The following SOX21 variants were observed in gnomAD, a reference collection of about 807,000 sequenced individuals.
SOX21 encodes SRY-box transcription factor 21, also known as transcription factor SOX-21.
For synonymous variants in SOX21, 237 were observed against 189.7 expected, an observed-to-expected ratio of 1.25 and a Z score of -2.05; for missense variants, 370 against 388.8, an observed-to-expected ratio of 0.95 and a Z score of 0.41.
At position 94,711,086 on chromosome 13, in the gene SOX21, T is replaced by C. The variant is rs961615440; in HGVS notation, c.*133A>G. The C allele has an allele frequency of 1.1e-6, 1 of 924,590 alleles. No homozygotes were observed. Among genetic ancestry groups the C allele is most frequent in the South Asian group, 5.5e-5 (1 of 18,124 alleles). 57.3% of individuals were successfully genotyped at this position (924,590 alleles called of 1,614,324 possible). On this transcript the variant is annotated 3_prime_UTR_variant, in exon 1 of 1. Coordinates refer to ENST00000376945, the MANE Select transcript of SOX21 (RefSeq NM_007084.4). The stretch of plus-strand genomic sequence containing the variant: ...CCCGCCTGGCCTCTCTGCCTCTACC[T>C]GGCACCTATACATTCTATGTACATA...
Position 94,712,215 on chromosome 13 carries a change from G to C in SOX21, c.-166C>G, listed in dbSNP as rs780638383. ...GAGGGGGCTGGGGGACCAGCCCAGGGCCACGCCGCGCCCCGGGCCGCCTTA... is the reference window on the plus strand; with the variant it reads ...GAGGGGGCTGGGGGACCAGCCCAGGCCCACGCCGCGCCCCGGGCCGCCTTA... On this transcript the variant is annotated 5_prime_UTR_variant, in exon 1 of 1. Transcript: ENST00000376945. The surrounding 1 kb of genome is among the most constrained non-coding windows in gnomAD (Gnocchi z 5.0). 2,015 of 1,265,498 alleles carry C rather than the reference G, an allele frequency of 1.6e-3. 7 individuals carry two copies. Among genetic ancestry groups the C allele is most frequent in the Non-Finnish European group, 1.9e-3 (1,900 of 1,010,532 alleles). 78.4% of individuals were successfully genotyped at this position (1,265,498 alleles called of 1,614,324 possible).
In SOX21 at chr13:94,711,627, G is replaced by GGCGGCCGCGGCC; in HGVS notation, c.411_422dup (p.Ala143_Ala146dup). ...AGAAGACGCGTGCGGCGGCAGCGGC[G>GGCGGCCGCGGCC]GCGGCCGCGGCCGCCTTCTCGGGAT... is the stretch of plus-strand genomic sequence containing the variant. On this transcript the variant is annotated inframe_insertion, in exon 1 of 1. Transcript: ENST00000376945. The GGCGGCCGCGGCC allele has an allele frequency of 8.1e-7, 1 of 1,239,968 alleles. No homozygotes were observed. Among genetic ancestry groups the GGCGGCCGCGGCC allele is most frequent in the Non-Finnish European group, 1.0e-6 (1 of 990,936 alleles). The allele number at this position is 1,239,968 out of a possible 1,614,324, so 76.8% of individuals were successfully genotyped here.
Position 94,711,621 on chromosome 13 carries a change from A to AGCGGCGGCGGCC in SOX21, c.417_428dup (p.Ala143_Ala146dup), listed in dbSNP as rs1247645066. The AGCGGCGGCGGCC allele has an allele frequency of 4.9e-6, 6 of 1,228,432 alleles. No individual in the cohort carries two copies. Among genetic ancestry groups the AGCGGCGGCGGCC allele is most frequent in the African/African-American group, 1.6e-5 (1 of 61,664 alleles). The allele number at this position is 1,228,432 out of a possible 1,614,324, so 76.1% of individuals were successfully genotyped here. A position where few individuals can be genotyped will look rare whatever the true frequency, so the allele number is the denominator to read the frequency against. On this transcript the variant is annotated inframe_insertion, in exon 1 of 1. Transcript: ENST00000376945. ...GCGGGAAGAAGACGCGTGCGGCGGC[A>AGCGGCGGCGGCC]GCGGCGGCGGCCGCGGCCGCCTTCT...
chr13:94,711,382 G>A lies in SOX21; in HGVS notation c.668C>T (p.Thr223Met), dbSNP rs1437951679. 8 of 1,247,880 alleles carry A rather than the reference G, an allele frequency of 6.4e-6. No individual in the cohort carries two copies. The highest frequency in any genetic ancestry group is 7.0e-6 in the Non-Finnish European group (7 of 996,986). 77.3% of individuals were successfully genotyped at this position (1,247,880 alleles called of 1,614,324 possible). Residue 223 changes from threonine (T) to methionine (M), a missense_variant, in exon 1 of 1, where the codon ACG becomes ATG. Coordinates refer to ENST00000376945, the MANE Select transcript of SOX21 (RefSeq NM_007084.4). ...AAAAAAAGGH[T>M]HSHPSPGNPG... The stretch of plus-strand genomic sequence containing the variant: ...GTTGCCCGGGCTGGGGTGCGAGTGC[G>A]TGTGCCCCCCGGCGGCGGCGGCCGC...
chr13:94,711,719 G>A lies in SOX21; in HGVS notation c.331C>T (p.Leu111Phe), dbSNP rs1179174754. 6.2e-7 allele frequency: 1 copy of A among 1,604,810 alleles called. No individual in the cohort carries two copies. ...GGVADAEHPA[L>F]KAGAGLHAGA... is the part of the protein sequence containing the mutation. Reference sequence around the variant, plus strand: ...GCGTGCAGCCCGGCGCCCGCCTTGAGCGCAGGGTGCTCGGCGTCCGCCACG... The same window carrying A: ...GCGTGCAGCCCGGCGCCCGCCTTGAACGCAGGGTGCTCGGCGTCCGCCACG... Residue 111 changes from leucine to phenylalanine, a missense_variant, in exon 1 of 1, where the codon CTC becomes TTC. Physicochemically the swap from Leu to Phe is conservative, Grantham distance 22. Transcript: ENST00000376945.
chr13:94,711,363 C>G lies in SOX21; in HGVS notation c.687G>C (p.Pro229=), dbSNP rs6492735. 150,210 of 1,254,102 alleles carry G rather than the reference C, an allele frequency of 0.12. 9,234 individuals carry two copies. Among genetic ancestry groups the G allele is most frequent in the Middle Eastern group, 0.19 (612 of 3,268 alleles). The allele number at this position is 1,254,102 out of a possible 1,614,324, so 77.7% of individuals were successfully genotyped here. A position where few individuals can be genotyped will look rare whatever the true frequency, so the allele number is the denominator to read the frequency against. ...ACGGGATCATGTAGCCCGGGTTGCCCGGGCTGGGGTGCGAGTGCGTGTGCC... is the reference window on the plus strand; with the variant it reads ...ACGGGATCATGTAGCCCGGGTTGCCGGGGCTGGGGTGCGAGTGCGTGTGCC... ...AGGHTHSHPS[P]GNPGYMIPCN... Residue 229 remains proline (P), a synonymous_variant, in exon 1 of 1, where the codon CCG becomes CCC. Transcript: ENST00000376945.
At position 94,712,057 on chromosome 13, in the gene SOX21, C is replaced by T. The variant is rs767197870; in HGVS notation, c.-8G>A. Reference sequence around the variant, plus strand: ...GTCCACCGGCTTGGACATGCTCTCGCCCTGCCGCGGCTGCAGCCCGCCGCC... The same window carrying T: ...GTCCACCGGCTTGGACATGCTCTCGTCCTGCCGCGGCTGCAGCCCGCCGCC... On this transcript the variant is annotated 5_prime_UTR_variant, in exon 1 of 1. Transcript: ENST00000376945. This position sits in a 1 kb window ranked among gnomAD's most constrained non-coding sequence, Gnocchi z 5.0. 8 of 1,610,716 alleles carry T rather than the reference C, an allele frequency of 5.0e-6. No homozygotes were observed. The African/African-American group carries it at 9.4e-5, about 19-fold the overall frequency.
chr13:94,712,185 C>G lies in SOX21; in HGVS notation c.-136G>C. On this transcript the variant is annotated 5_prime_UTR_variant, in exon 1 of 1. Coordinates refer to ENST00000376945, the MANE Select transcript of SOX21 (RefSeq NM_007084.4). The surrounding 1 kb of genome is among the most constrained non-coding windows in gnomAD (Gnocchi z 5.0). ...TCGCGCCCCGGCGTCGCTCCCGCCC[C>G]GGAGGAGGGGGCTGGGGGACCAGCC... 1 of 1,378,762 alleles carries G rather than the reference C, an allele frequency of 7.3e-7. No homozygotes were observed. Among genetic ancestry groups the G allele is most frequent in the Non-Finnish European group, 9.3e-7 (1 of 1,072,562 alleles). The allele number at this position is 1,378,762 out of a possible 1,614,324, so 85.4% of individuals were successfully genotyped here. A position where few individuals can be genotyped will look rare whatever the true frequency, so the allele number is the denominator to read the frequency against.
chr13:94,711,872 C>G lies in SOX21; in HGVS notation c.178G>C (p.Glu60Gln). 3 of 1,613,962 alleles carry G rather than the reference C, an allele frequency of 1.9e-6. No homozygotes were observed. Among genetic ancestry groups the G allele is most frequent in the Non-Finnish European group, 2.5e-6 (3 of 1,179,950 alleles). Residue 60 changes from glutamate to glutamine, a missense_variant, in exon 1 of 1, where the codon GAG becomes CAG. Physicochemically the swap from Glu to Gln is conservative, Grantham distance 29. Transcript: ENST00000376945. ...TGCATGGCGCGTAGACGCTTGGCCT[C>G]GTCGATGAACGGCCGCTTCTCCGAC... is the stretch of plus-strand genomic sequence containing the variant. ...TESEKRPFID[E>Q]AKRLRAMHMK...
chr13:94,711,813 C>T lies in SOX21; in HGVS notation c.237G>A (p.Pro79=). The change falls in exon 1 of 1, where the codon CCG becomes CCA. Residue 79 remains proline, a synonymous_variant. Transcript: ENST00000376945. The part of the protein sequence containing the change: ...MKEHPDYKYR[P]RRKPKTLLKK... ...TGAGCAGCGTCTTGGGCTTGCGCCG[C>T]GGCCGGTACTTGTAGTCGGGGTGCT... 2 of 1,613,854 alleles carry T rather than the reference C, an allele frequency of 1.2e-6. No homozygotes were observed. Among genetic ancestry groups the T allele is most frequent in the Non-Finnish European group, 1.7e-6 (2 of 1,179,884 alleles).
chr13:94,710,592 T>C lies in SOX21; in HGVS notation c.*627A>G, dbSNP rs1175099802. 1 of 152,214 alleles carries C rather than the reference T, an allele frequency of 6.6e-6. No homozygotes were observed. The highest frequency in any genetic ancestry group is 1.5e-5 in the Non-Finnish European group (1 of 68,060). 9.4% of individuals were successfully genotyped at this position (152,214 alleles called of 1,614,324 possible). ...ATTCGAGCCGGTCACTGGTCAAGAATGGATCTGGTTGGGAGTTCTGCTTGA... is the reference window on the plus strand; with the variant it reads ...ATTCGAGCCGGTCACTGGTCAAGAACGGATCTGGTTGGGAGTTCTGCTTGA... On this transcript the variant is annotated 3_prime_UTR_variant, in exon 1 of 1. Coordinates refer to ENST00000376945, the MANE Select transcript of SOX21 (RefSeq NM_007084.4).
chr13:94,710,205 TGTTTTTGAGTCTAAAGTCG>T lies in SOX21; in HGVS notation c.*995_*1013del, dbSNP rs1373508304. On this transcript the variant is annotated 3_prime_UTR_variant, in exon 1 of 1. Coordinates refer to ENST00000376945, the MANE Select transcript of SOX21 (RefSeq NM_007084.4). ...AGTTAACTTTGATATTCGCTCAAAA[TGTTTTTGAGTCTAAAGTCG>T]ACTCAAACTTAGGGCAACGAAAATA... 6.6e-6 allele frequency: 1 copy of T among 152,614 alleles called. No individual in the cohort carries two copies. Among genetic ancestry groups the T allele is most frequent in the Non-Finnish European group, 1.5e-5 (1 of 68,038 alleles). The allele number at this position is 152,614 out of a possible 1,614,324, so 9.5% of individuals were successfully genotyped here. A position where few individuals can be genotyped will look rare whatever the true frequency, so the allele number is the denominator to read the frequency against.
chr13:94,711,764 C>T lies in SOX21; in HGVS notation c.286G>A (p.Val96Met). 6.2e-7 allele frequency: 1 copy of T among 1,613,136 alleles called. No individual in the cohort carries two copies. Residue 96 changes from valine to methionine, a missense_variant, in exon 1 of 1, where the codon GTG becomes ATG. Coordinates refer to ENST00000376945, the MANE Select transcript of SOX21 (RefSeq NM_007084.4). ...LLKKDKFAFP[V>M]PYGLGGVADA... ...GCCACGCCGCCCAGGCCGTAGGGCA[C>T]CGGGAAGGCGAACTTGTCCTTCTTG... is the stretch of plus-strand genomic sequence containing the variant.
Position 94,712,500 on chromosome 13 carries a change from G to T in SOX21, c.-451C>A, listed in dbSNP as rs1385683669. 2.0e-6 allele frequency: 2 copies of T among 988,254 alleles called. No homozygotes were observed. Among genetic ancestry groups the T allele is most frequent in the Non-Finnish European group, 2.4e-6 (2 of 832,342 alleles). 61.2% of individuals were successfully genotyped at this position (988,254 alleles called of 1,614,324 possible). On this transcript the variant is annotated 5_prime_UTR_variant, in exon 1 of 1. Coordinates refer to ENST00000376945, the MANE Select transcript of SOX21 (RefSeq NM_007084.4). This position sits in a 1 kb window ranked among gnomAD's most constrained non-coding sequence, Gnocchi z 5.0. ...AAGTTGAGCCGAGGAGCCCGCCGCC[G>T]CGTGCTGCCAAGTGCCAAAGGGGGC...
chr13:94,711,195 T>C lies in SOX21; in HGVS notation c.*24A>G, dbSNP rs1380361719. The C allele has an allele frequency of 6.9e-6, 9 of 1,306,152 alleles. No homozygotes were observed. In the Admixed American group the frequency reaches 1.6e-4, roughly 24 times the overall value. 80.9% of individuals were successfully genotyped at this position (1,306,152 alleles called of 1,614,324 possible). A position where few individuals can be genotyped will look rare whatever the true frequency, so the allele number is the denominator to read the frequency against. ...ACATATGTACACGTGTGCACACCGGTCCTCGCGAGGCGGCCCCGCGGGGTC... is the reference window on the plus strand; with the variant it reads ...ACATATGTACACGTGTGCACACCGGCCCTCGCGAGGCGGCCCCGCGGGGTC... On this transcript the variant is annotated 3_prime_UTR_variant, in exon 1 of 1. Transcript: ENST00000376945.
At position 94,710,477 on chromosome 13, in the gene SOX21, G is replaced by A. The variant is rs999940075; in HGVS notation, c.*742C>T. On this transcript the variant is annotated 3_prime_UTR_variant, in exon 1 of 1. Transcript: ENST00000376945. ...CATCTCACAAATATTTCTTGTTTGC[G>A]TTTCTTGCCCTTGAGAAAGAGCTCT... 64 of 152,238 alleles carry A rather than the reference G, an allele frequency of 4.2e-4. 1 individual carries two copies. Among genetic ancestry groups the A allele is most frequent in the African/African-American group, 1.5e-3 (64 of 41,438 alleles). 9.4% of individuals were successfully genotyped at this position (152,238 alleles called of 1,614,324 possible).
rs1469058265 is a variant in SOX21 at position 94,709,996 on chromosome 13, A to G, written c.*1223T>C. 6.6e-6 allele frequency: 1 copy of G among 152,196 alleles called. No individual in the cohort carries two copies. Among genetic ancestry groups the G allele is most frequent in the African/African-American group, 2.4e-5 (1 of 41,468 alleles). The allele number at this position is 152,196 out of a possible 1,614,324, so 9.4% of individuals were successfully genotyped here. Reference sequence around the variant, plus strand: ...AAGCCAATTGAGGAGGGAAATCCAAAACACATTAAACCAGCTCAACTTGGG... The same window carrying G: ...AAGCCAATTGAGGAGGGAAATCCAAGACACATTAAACCAGCTCAACTTGGG... On this transcript the variant is annotated 3_prime_UTR_variant, in exon 1 of 1. Transcript: ENST00000376945.
In SOX21 at chr13:94,712,227, C is replaced by T. The variant is rs1001332378; in HGVS notation, c.-178G>A. 40 of 1,253,448 alleles carry T rather than the reference C, an allele frequency of 3.2e-5. No individual in the cohort carries two copies. The highest frequency in any genetic ancestry group is 4.4e-5 in the Admixed American group (1 of 22,620). The allele number at this position is 1,253,448 out of a possible 1,614,324, so 77.6% of individuals were successfully genotyped here. A position where few individuals can be genotyped will look rare whatever the true frequency, so the allele number is the denominator to read the frequency against. On this transcript the variant is annotated 5_prime_UTR_variant, in exon 1 of 1. Transcript: ENST00000376945. The surrounding 1 kb of genome is among the most constrained non-coding windows in gnomAD (Gnocchi z 5.0). Reference sequence around the variant, plus strand: ...GGACCAGCCCAGGGCCACGCCGCGCCCCGGGCCGCCTTAGTGTCTCCGGCC... The same window carrying T: ...GGACCAGCCCAGGGCCACGCCGCGCTCCGGGCCGCCTTAGTGTCTCCGGCC...
Position 94,712,053 on chromosome 13 carries a change from C to T in SOX21, c.-4G>A, listed in dbSNP as rs565901071. The T allele has an allele frequency of 1.2e-6, 2 of 1,611,084 alleles. No individual in the cohort carries two copies. The highest frequency in any genetic ancestry group is 1.1e-5 in the South Asian group (1 of 90,872). ...CGTGGTCCACCGGCTTGGACATGCTCTCGCCCTGCCGCGGCTGCAGCCCGC... is the reference window on the plus strand; with the variant it reads ...CGTGGTCCACCGGCTTGGACATGCTTTCGCCCTGCCGCGGCTGCAGCCCGC... On this transcript the variant is annotated 5_prime_UTR_variant, in exon 1 of 1. Transcript: ENST00000376945. This position sits in a 1 kb window ranked among gnomAD's most constrained non-coding sequence, Gnocchi z 5.0.
Sources: gnomAD v4.1 joint callset for allele counts on GRCh38, gnomAD v4.1.1 for gene constraint, Gnocchi (gnomAD v3.1) non-coding constraint, MANE v1.5 for transcripts, NCBI Gene and HGNC (gene_info 2026-07-23, HGNC 2026-07-21) for gene names.